Variants in CNTNAP2 observed in about 807,000 individuals in gnomAD.
CNTNAP2 encodes contactin associated protein 2, also known as contactin-associated protein-like 2.
A neutral mutation model predicts 155.2 loss-of-function variants in CNTNAP2; 98 were observed. The observed-to-expected ratio is 0.63, with a 90% CI of 0.54 to 0.75. CNTNAP2 has a LOEUF of 0.75. Ranked by LOEUF, CNTNAP2 falls within the 30% of genes least tolerant of loss-of-function variation. CNTNAP2 has a pLI of 0.00. For synonymous variants in CNTNAP2, 651 were observed against 631.2 expected (o/e 1.03, Z -0.47); for missense variants, 1,727 against 1,688.1 (o/e 1.02, Z -0.40).
chr7:147,688,028 G>A (rs1004346580), intron 13 of CNTNAP2, among the ~76,000 whole-genome samples: 2 of 152,096 alleles, frequency 1.3e-5, no homozygotes, highest in African/African-American at 2.4e-5. Flanking sequence ...CCTGCTGACG[G>A]AATCTATGCT....
intron 1 of CNTNAP2, among the ~76,000 whole-genome samples, chr7:146,697,117 T>C (rs2129172525): frequency 6.6e-6 from 1 of 152,350 alleles, no homozygotes; most frequent in East Asian, 1.9e-4. Flanking sequence ...ATAGTGGGTT[T>C]ACTTATTTCC....
intron 13 of CNTNAP2, among the ~76,000 whole-genome samples, chr7:147,763,419 CTT>C (rs57029271): frequency 5.6e-5 from 8 of 143,004 alleles, no homozygotes; most frequent in Admixed American, 1.4e-4. Context: ...ACAAATTTTT[CTT>C]TTTTTTTTTT....
intron 1 of CNTNAP2, among the ~76,000 whole-genome samples, chr7:146,591,437 G>A (rs1266225758): frequency 8.0e-5 from 1 of 12,568 alleles, no homozygotes; most frequent in Non-Finnish European, 1.9e-4. Flanking sequence ...TAAAATAATT[G>A]AGAAAATAGC....
chr7:147,957,404 T>TA (rs1346651757), intron 14 of CNTNAP2, among the ~76,000 whole-genome samples: 1 of 152,080 alleles, frequency 6.6e-6, no homozygotes, highest in Non-Finnish European at 1.5e-5. Context: ...GGAGAAGAAA[T>TA]ACTGTATTTG....
intron 21 of CNTNAP2, among the ~76,000 whole-genome samples, chr7:148,283,275 G>GAAAGAAAGAAAGAAAA (rs1797012426): frequency 1.4e-5 from 1 of 72,702 alleles, no homozygotes; most frequent in Non-Finnish European, 2.7e-5. Context: ...AAGAAAGAAA[G>GAAAGAAAGAAAGAAAA]AAAGAAAGAA....
At chr7:146,204,777 A>G (rs1014577792) in intron 1 of CNTNAP2, among the ~76,000 whole-genome samples, 1 of 152,060 alleles carries the variant, frequency 6.6e-6, no homozygotes, top group African/African-American at 2.4e-5. Flanking sequence ...TGATTATTGT[A>G]TATAACTAAT....
At chr7:147,026,590 C>CTT (rs998499090) in intron 3 of CNTNAP2, among the ~76,000 whole-genome samples, 1 of 145,286 alleles carries the variant, frequency 6.9e-6, no homozygotes, top group Admixed American at 6.9e-5. Flanking sequence ...CTTGGAATGT[C>CTT]TTTTTTTTTT....
At chr7:148,012,368 A>AAAG (rs1247343937) in intron 15 of CNTNAP2, among the ~76,000 whole-genome samples, 1 of 152,214 alleles carries the variant, frequency 6.6e-6, no homozygotes, top group Non-Finnish European at 1.5e-5. Flanking sequence ...TAATACCAGG[A>AAAG]TAGAAAGTAG....
chr7:148,281,698 T>C (rs1021335325), intron 21 of CNTNAP2, among the ~76,000 whole-genome samples: 3 of 152,214 alleles, frequency 2.0e-5, no homozygotes, highest in Admixed American at 1.3e-4. Context: ...GGCTTTATTA[T>C]TATTATTGCC....
At chr7:148,371,181 AG>A (rs1273552799) in intron 21 of CNTNAP2, among the ~76,000 whole-genome samples, 1 of 152,162 alleles carries the variant, frequency 6.6e-6, no homozygotes, top group Non-Finnish European at 1.5e-5. Flanking sequence ...CAGAGTCCTG[AG>A]GGGTTGCTGG....
At chr7:147,899,345 A>C (rs1922880) in intron 13 of CNTNAP2, among the ~76,000 whole-genome samples, 46,005 of 152,026 alleles carry the variant, frequency 0.3, 7,116 homozygotes, top group Middle Eastern at 0.42. Context: ...GTCTTAAAAA[A>C]ATAAATAAAA....
intron 14 of CNTNAP2, among the ~76,000 whole-genome samples, chr7:147,929,596 T>A (rs1039310027): frequency 2.0e-5 from 3 of 152,188 alleles, no homozygotes; most frequent in African/African-American, 7.2e-5. Flanking sequence ...TAACTTCTGG[T>A]TTTTGCAAAT....
At chr7:148,137,729 G>GAAGGAAGC (rs1804989250) in intron 16 of CNTNAP2, among the ~76,000 whole-genome samples, 2 of 139,502 alleles carry the variant, frequency 1.4e-5, no homozygotes, top group African/African-American at 5.5e-5. Context: ...AGGAAGGAAG[G>GAAGGAAGC]AAGGAAGGTT....
chr7:146,315,688 A>T (rs7795585), intron 1 of CNTNAP2, among the ~76,000 whole-genome samples: 38,481 of 152,032 alleles, frequency 0.25, 12,536 homozygotes, highest in African/African-American at 0.76. Context: ...ATACATTTGT[A>T]TTTTTTCAAT....
intron 17 of CNTNAP2, among the ~76,000 whole-genome samples, chr7:148,161,993 A>T (rs566469005): frequency 6.6e-6 from 1 of 152,342 alleles, no homozygotes; most frequent in African/African-American, 2.4e-5. Flanking sequence ...GATCCATCCC[A>T]GGCTTGACCT....
chr7:146,758,945 A>G (rs539348646), intron 1 of CNTNAP2, among the ~76,000 whole-genome samples: 15 of 152,286 alleles, frequency 9.8e-5, no homozygotes, highest in African/African-American at 3.1e-4. Context: ...GAGAAGCACT[A>G]TCAATTTGCT....
intron 9 of CNTNAP2, among the ~76,000 whole-genome samples, chr7:147,305,470 C>T (rs1243782797): frequency 6.6e-6 from 1 of 152,160 alleles, no homozygotes; most frequent in Non-Finnish European, 1.5e-5. Context: ...TTTGGCTCAT[C>T]CATCAAAGAA....
intron 1 of CNTNAP2, among the ~76,000 whole-genome samples, chr7:146,612,829 G>T (rs1374660939): frequency 6.6e-6 from 1 of 151,194 alleles, no homozygotes; most frequent in African/African-American, 2.4e-5. Context: ...GAGTATTTTT[G>T]TGATGTTGCT....
At chr7:146,688,349 T>C (rs1485302797) in intron 1 of CNTNAP2, among the ~76,000 whole-genome samples, 1 of 152,060 alleles carries the variant, frequency 6.6e-6, no homozygotes, top group Non-Finnish European at 1.5e-5. Flanking sequence ...TGCGCATCCA[T>C]GTGAAGCGAC....
Sources: allele counts gnomAD v4.1 joint callset (sites outside exome capture counted in the v4.1 genomes callset), GRCh38; gene constraint gnomAD v4.1.1; transcripts MANE v1.5; gene names NCBI Gene and HGNC (gene_info 2026-07-23, HGNC 2026-07-21).